MKLN1: variants seen among roughly 807,000 people sequenced by gnomAD.
MKLN1 encodes muskelin 1.
MKLN1 carries 18 observed loss-of-function variants against 99.0 expected under a neutral mutation model. The ratio of observed to expected loss-of-function variants is 0.18; its 90% confidence interval spans 0.13 to 0.27. The LOEUF (loss-of-function observed/expected upper bound fraction) is 0.27. Ranked by LOEUF, MKLN1 falls within the 10% of genes least tolerant of loss-of-function variation. MKLN1 has a pLI of 1.00. For synonymous variants in MKLN1, 288 were observed against 293.2 expected, an observed-to-expected ratio of 0.98 and a Z score of 0.18; for missense variants, 621 against 875.9, an observed-to-expected ratio of 0.71 and a Z score of 3.67.
intron 3 of MKLN1, among the ~76,000 whole-genome samples, chr7:131,322,358 T>C (rs1798795078): frequency 6.6e-6 from 1 of 152,190 alleles, no homozygotes; most frequent in Non-Finnish European, 1.5e-5. Context: ...TCAGTGTGTA[T>C]TAGTTCATTC....
At chr7:131,255,135 G>A (rs902334891) in intron 3 of MKLN1, among the ~76,000 whole-genome samples, 5 of 152,128 alleles carry the variant, frequency 3.3e-5, no homozygotes, top group African/African-American at 9.7e-5. Context: ...TGGAGACAGG[G>A]TCTCATTATG....
chr7:131,232,940 T>C (rs544420957), intron 3 of MKLN1, among the ~76,000 whole-genome samples: 42 of 152,264 alleles, frequency 2.8e-4, no homozygotes, highest in Non-Finnish European at 5.3e-4. Flanking sequence ...ATGCTCACTT[T>C]ATGTGCTTAA....
intron 1 of MKLN1, among the ~76,000 whole-genome samples, chr7:131,128,896 ATTTTT>A (rs59954758): frequency 8.7e-4 from 105 of 120,184 alleles, no homozygotes; most frequent in South Asian, 1.2e-3. Context: ...CACCTCACCT[ATTTTT>A]TTTTTTTTTT....
chr7:131,195,421 GA>G (rs1209036556), intron 2 of MKLN1, among the ~76,000 whole-genome samples: 1 of 151,946 alleles, frequency 6.6e-6, no homozygotes, highest in Non-Finnish European at 1.5e-5. Flanking sequence ...TGAGGCAGGA[GA>G]ATCGCTTGAA....
intron 3 of MKLN1, among the ~76,000 whole-genome samples, chr7:131,257,625 G>C (rs1442155693): frequency 6.6e-6 from 1 of 152,116 alleles, no homozygotes. Flanking sequence ...GTGCATTTGG[G>C]AGAACAGATG....
intron 3 of MKLN1, among the ~76,000 whole-genome samples, chr7:131,284,388 C>T (rs1401050099): frequency 6.6e-6 from 1 of 152,092 alleles, no homozygotes; most frequent in Admixed American, 6.5e-5. Flanking sequence ...ACAGGTGGTT[C>T]TAAAACACAA....
At chr7:131,403,193 A>G (rs1337919813) in intron 6 of MKLN1, among the ~76,000 whole-genome samples, 3 of 151,664 alleles carry the variant, frequency 2.0e-5, no homozygotes, top group African/African-American at 2.4e-5. Flanking sequence ...CTTCTATAAT[A>G]CATCAACACT....
intron 3 of MKLN1, among the ~76,000 whole-genome samples, chr7:131,260,140 A>G (rs1342391634): frequency 6.6e-6 from 1 of 151,924 alleles, no homozygotes; most frequent in Non-Finnish European, 1.5e-5. Context: ...CTGCCTCCCG[A>G]GCTCAAGCAA....
chr7:131,113,231 A>C (rs924107170), intron 1 of MKLN1, among the ~76,000 whole-genome samples: 4 of 152,232 alleles, frequency 2.6e-5, no homozygotes, highest in African/African-American at 9.6e-5. Context: ...AAGTAGAAGT[A>C]AGCCAGACAA....
intron 1 of MKLN1, among the ~76,000 whole-genome samples, chr7:131,359,744 T>A (rs989649875): frequency 2.6e-4 from 40 of 152,038 alleles, no homozygotes; most frequent in African/African-American, 8.4e-4. Context: ...TTTTTTTTTT[T>A]ATTTTTTGAG....
At chr7:131,158,966 T>G (rs12706969) in intron 2 of MKLN1, among the ~76,000 whole-genome samples, 52,476 of 151,926 alleles carry the variant, frequency 0.35, 11,053 homozygotes, top group Non-Finnish European at 0.48. Context: ...AGCAAGTTAT[T>G]ATAGGGTAGG....
chr7:131,324,490 A>T (rs1421797152), upstream of MKLN1: 1 of 152,228 alleles, frequency 6.6e-6, no homozygotes, highest in Non-Finnish European at 1.5e-5. Flanking sequence ...AAGCTTGATG[A>T]CTGCAACCTG....
chr7:131,242,912 A>C, intron 3 of MKLN1: 1 of 663,250 alleles, frequency 1.5e-6, no homozygotes, highest in Non-Finnish European at 2.9e-6. Context: ...CTACTCTTAA[A>C]CACAAGGCCC....
chr7:131,357,325 G>A (rs1258467135), intron 1 of MKLN1, among the ~76,000 whole-genome samples: 1 of 152,122 alleles, frequency 6.6e-6, no homozygotes, highest in Non-Finnish European at 1.5e-5. Flanking sequence ...TGGAGTTTGG[G>A]TTGATTGGGA....
At chr7:131,333,194 G>A (rs181208861) in intron 1 of MKLN1, among the ~76,000 whole-genome samples, 169 of 152,176 alleles carry the variant, frequency 1.1e-3, no homozygotes, top group African/African-American at 3.9e-3. Context: ...TAAGTGCTGG[G>A]ATTACAGGCA....
chr7:131,215,540 G>A (rs1414989230), intron 3 of MKLN1, among the ~76,000 whole-genome samples: 1 of 151,370 alleles, frequency 6.6e-6, no homozygotes, highest in African/African-American at 2.4e-5. Flanking sequence ...ATCTTGCCCA[G>A]GCTGGTCTTG....
intron 8 of MKLN1, among the ~76,000 whole-genome samples, chr7:131,426,543 C>G (rs1439988020): frequency 6.6e-6 from 1 of 151,882 alleles, no homozygotes; most frequent in East Asian, 1.9e-4. Context: ...TTTATAGTTC[C>G]AAGATAGGAC....
intron 3 of MKLN1, among the ~76,000 whole-genome samples, chr7:131,260,891 G>A (rs1797723158): frequency 8.0e-6 from 1 of 125,666 alleles, no homozygotes; most frequent in African/African-American, 2.6e-5. Context: ...CATGCAATGG[G>A]GAAAGGATTC....
At chr7:131,234,920 G>A (rs1441265307) in intron 3 of MKLN1, among the ~76,000 whole-genome samples, 5 of 152,118 alleles carry the variant, frequency 3.3e-5, no homozygotes, top group African/African-American at 9.7e-5. Flanking sequence ...GCTTGCTGAT[G>A]CTATTTAAAG....
Sources: allele counts gnomAD v4.1 joint callset (sites outside exome capture counted in the v4.1 genomes callset), GRCh38; gene constraint gnomAD v4.1.1; transcripts MANE v1.5; gene names NCBI Gene and HGNC (gene_info 2026-07-23, HGNC 2026-07-21).